BABAM2: variants seen among roughly 807,000 people sequenced by gnomAD.
BABAM2 encodes the protein BRISC and BRCA1-A complex member 2.
Under a neutral mutation model 54.7 loss-of-function variants are expected in BABAM2, and 31 were observed. The observed-to-expected ratio is 0.57, with a 90% CI of 0.43 to 0.77. The LOEUF (loss-of-function observed/expected upper bound fraction) is 0.77. BABAM2 is among the 30% of genes least tolerant of loss of function. The probability of loss-of-function intolerance (pLI) is 0.00; values close to 1 mark genes in which losing one functional copy is unlikely to be tolerated. For missense variants in BABAM2, 364 were observed against 455.8 expected, an observed-to-expected ratio of 0.80 and a Z score of 1.83; for synonymous variants, 167 against 162.9, an observed-to-expected ratio of 1.03 and a Z score of -0.19.
At chr2:27,941,522 C>A (rs965867053) in intron 3 of BABAM2, among the ~76,000 whole-genome samples, 1 of 150,714 alleles carries the variant, frequency 6.6e-6, no homozygotes, top group Non-Finnish European at 1.5e-5. Context: ...CGGCACTGCA[C>A]ACCAGCCTGG....
intron 6 of BABAM2, among the ~76,000 whole-genome samples, chr2:28,065,002 CA>C (rs796411019): frequency 0.06 from 6,411 of 106,986 alleles, 337 homozygotes; most frequent in African/African-American, 0.17. Context: ...GACTCTATCT[CA>C]AAAAAAAAAA....
intron 3 of BABAM2, among the ~76,000 whole-genome samples, chr2:27,964,737 A>C (rs530716427): frequency 1.6e-4 from 24 of 152,318 alleles, no homozygotes; most frequent in Non-Finnish European, 2.5e-4. Context: ...AGGCTTAGAT[A>C]GGTTTTAGGT....
At chr2:27,892,508 T>TAA (rs1664945364) in intron 1 of BABAM2, 1 of 152,172 alleles carries the variant, frequency 6.6e-6, no homozygotes, top group Admixed American at 6.5e-5. Context: ...ATGACTTTGA[T>TAA]AAGCATCCCT....
At chr2:27,965,575 T>G (rs1670774032) in intron 3 of BABAM2, among the ~76,000 whole-genome samples, 1 of 152,182 alleles carries the variant, frequency 6.6e-6, no homozygotes, top group South Asian at 2.1e-4. Context: ...TTAATATCAT[T>G]GACACACTTT....
chr2:28,244,991 A>G, intron 10 of BABAM2, 129 bp downstream of exon 10: 1 of 665,328 alleles, frequency 1.5e-6, no homozygotes, highest in Non-Finnish European at 2.3e-6. Context: ...ATATATATTT[A>G]TTGTGGGATA....
chr2:28,169,222 G>C (rs1227360681), intron 7 of BABAM2, among the ~76,000 whole-genome samples: 1 of 152,050 alleles, frequency 6.6e-6, no homozygotes, highest in Non-Finnish European at 1.5e-5. Context: ...TATTGTGAAT[G>C]TCTTTGGTTA....
intron 4 of BABAM2, among the ~76,000 whole-genome samples, chr2:27,990,945 G>A (rs1226054930): frequency 1.3e-5 from 2 of 151,944 alleles, no homozygotes; most frequent in African/African-American, 4.8e-5. Context: ...ATCCAATGAG[G>A]CCACCTCTTT....
intron 7 of BABAM2, among the ~76,000 whole-genome samples, chr2:28,143,481 TAA>T (rs958520712): frequency 1.1e-4 from 17 of 152,136 alleles, no homozygotes; most frequent in Non-Finnish European, 2.2e-4. Context: ...GAAAATTTGC[TAA>T]GAGAGTAGAT....
chr2:28,118,395 T>A (rs1414099310), intron 6 of BABAM2, among the ~76,000 whole-genome samples: 1 of 152,170 alleles, frequency 6.6e-6, no homozygotes, highest in Non-Finnish European at 1.5e-5. Flanking sequence ...TTTCCTGACT[T>A]CTTAATAATT....
chr2:27,984,550 T>C (rs1672254586), intron 3 of BABAM2, among the ~76,000 whole-genome samples: 2 of 152,256 alleles, frequency 1.3e-5, no homozygotes, highest in South Asian at 4.1e-4. Flanking sequence ...ACCTGTCTTC[T>C]GAAGGATACA....
intron 5 of BABAM2, among the ~76,000 whole-genome samples, chr2:28,037,856 C>T (rs1401979589): frequency 6.6e-6 from 1 of 152,086 alleles, no homozygotes; most frequent in Admixed American, 6.6e-5. Flanking sequence ...GTGATCAAAG[C>T]AGGCAGATAC....
chr2:28,161,873 A>T (rs1673133813), intron 7 of BABAM2, among the ~76,000 whole-genome samples: 1 of 152,036 alleles, frequency 6.6e-6, no homozygotes, highest in Non-Finnish European at 1.5e-5. Context: ...AGAGATCTTT[A>T]ATTATTTTAT....
intron 3 of BABAM2, among the ~76,000 whole-genome samples, chr2:27,964,450 C>T (rs970316786): frequency 3.9e-5 from 6 of 152,166 alleles, no homozygotes; most frequent in African/African-American, 7.2e-5. Flanking sequence ...AAAAAATTAT[C>T]TGCGATGTAT....
At position 28,094,338 on chromosome 2, in the gene BABAM2, T is replaced by C. The variant is rs149271027; in HGVS notation, c.571-34933T>C. ...AGGTACTCAATACATCTTTATTGGA[T>C]TTTAATACATTTAAAGGGATTTAAA... is the stretch of plus-strand genomic sequence containing the variant. On this transcript the variant is annotated intron_variant, in intron 6 of 11. Coordinates refer to ENST00000379624, the MANE Select transcript of BABAM2 (RefSeq NM_199191.3). Among the ~76,000 whole-genome samples, 42 of 152,280 alleles carry C rather than the reference T, an allele frequency of 2.8e-4. No individual in the cohort carries two copies. The East Asian group carries it at 7.7e-3, about 28-fold the overall frequency.
chr2:28,188,382 C>T (rs1173756658), intron 7 of BABAM2, among the ~76,000 whole-genome samples: 1 of 152,154 alleles, frequency 6.6e-6, no homozygotes, highest in Non-Finnish European at 1.5e-5. Context: ...GGGAACCCTA[C>T]ATTTTAAGGA....
At chr2:28,204,271 A>G (rs1302238046) in intron 7 of BABAM2, among the ~76,000 whole-genome samples, 2 of 152,140 alleles carry the variant, frequency 1.3e-5, no homozygotes, top group East Asian at 3.8e-4. Flanking sequence ...AAATTTTTGT[A>G]CCTTTCTAGA....
intron 2 of BABAM2, among the ~76,000 whole-genome samples, chr2:27,914,825 C>T (rs1666846886): frequency 6.6e-6 from 1 of 152,056 alleles, no homozygotes; most frequent in Non-Finnish European, 1.5e-5. Context: ...TATAATATTA[C>T]TCTGTACAGA....
At chr2:28,323,686 G>T (rs528784311) in intron 11 of BABAM2, among the ~76,000 whole-genome samples, 1 of 152,256 alleles carries the variant, frequency 6.6e-6, no homozygotes, top group Non-Finnish European at 1.5e-5. Flanking sequence ...TACCTCCCCT[G>T]TGACAGCAAG....
At chr2:28,219,799 G>C (rs180753902) in intron 7 of BABAM2, among the ~76,000 whole-genome samples, 1 of 152,356 alleles carries the variant, frequency 6.6e-6, no homozygotes, top group Admixed American at 6.5e-5. Flanking sequence ...CTCAAAAATA[G>C]TGCTTGAAGG....
Sources: allele counts gnomAD v4.1 joint callset (sites outside exome capture counted in the v4.1 genomes callset), GRCh38; gene constraint gnomAD v4.1.1; transcripts MANE v1.5; gene names NCBI Gene and HGNC (gene_info 2026-07-23, HGNC 2026-07-21).